CDH8: variants seen among roughly 807,000 people sequenced by gnomAD.
CDH8 encodes cadherin 8, also known as cadherin-8.
CDH8 carries 17 observed loss-of-function variants against 68.1 expected under a neutral mutation model. The ratio of observed to expected loss-of-function variants is 0.25; its 90% CI spans 0.17 to 0.37. The LOEUF (loss-of-function observed/expected upper bound fraction) is 0.37, where lower values mean the gene tolerates loss of function less well. Ranked by LOEUF, CDH8 falls within the 10% of genes least tolerant of loss-of-function variation. The pLI, the probability that CDH8 is intolerant of heterozygous loss-of-function variation, is 1.00. For synonymous variants in CDH8, 372 were observed against 365.1 expected, an observed-to-expected ratio of 1.02 and a Z score of -0.21; for missense variants, 763 against 999.3, an observed-to-expected ratio of 0.76 and a Z score of 3.19.
intron 10 of CDH8, among the ~76,000 whole-genome samples, chr16:61,663,802 A>C (rs1322365811): frequency 6.6e-6 from 1 of 151,216 alleles, no homozygotes; most frequent in East Asian, 1.9e-4. Context: ...AAATTGAGTA[A>C]ACACATTATT....
intron 8 of CDH8, among the ~76,000 whole-genome samples, chr16:61,755,359 T>C (rs185711709): frequency 9.6e-4 from 146 of 152,302 alleles, no homozygotes; most frequent in Middle Eastern, 3.4e-3. Context: ...GTATATATAG[T>C]ATACATTTAA....
chr16:61,834,341 T>G (rs1962522762), intron 4 of CDH8, among the ~76,000 whole-genome samples: 1 of 151,860 alleles, frequency 6.6e-6, no homozygotes, highest in Non-Finnish European at 1.5e-5. Flanking sequence ...CAAGGGCTAC[T>G]TCATTCCATC....
At chr16:61,948,218 A>G (rs945503247) in intron 2 of CDH8, among the ~76,000 whole-genome samples, 6 of 152,166 alleles carry the variant, frequency 3.9e-5, no homozygotes, top group African/African-American at 1.4e-4. Flanking sequence ...TTAACTTAAA[A>G]CTGCCTATAA....
At chr16:61,798,366 T>A (rs1361743425) in intron 7 of CDH8, among the ~76,000 whole-genome samples, 1 of 152,166 alleles carries the variant, frequency 6.6e-6, no homozygotes. Context: ...TCAGGAGTGA[T>A]ATGATCTAAA....
rs1212032552 is a variant in CDH8 at position 62,001,334 on chromosome 16, G to A, written c.252+19818C>T. 2.6e-5 allele frequency among the ~76,000 whole-genome samples: 4 copies of A among 152,172 alleles called. No individual in the cohort carries two copies. In the South Asian group the frequency reaches 8.3e-4, roughly 32 times the overall value. On this transcript the variant is annotated intron_variant, in intron 2 of 11. Coordinates refer to ENST00000577390, the MANE Select transcript of CDH8 (RefSeq NM_001796.5). ...TTACTTAGGATTTCTGGGTTGGGGT[G>A]AAGAGATGGATATTAGGAGTCCTAA...
intron 7 of CDH8, among the ~76,000 whole-genome samples, chr16:61,803,426 A>T: frequency 7.3e-6 from 1 of 137,450 alleles, no homozygotes; most frequent in Non-Finnish European, 1.6e-5. Context: ...CAAAATCACC[A>T]GCTAACATCA....
At chr16:62,018,452 TAA>T (rs1002338590) in intron 2 of CDH8, among the ~76,000 whole-genome samples, 2 of 152,140 alleles carry the variant, frequency 1.3e-5, no homozygotes, top group Non-Finnish European at 2.9e-5. Flanking sequence ...TGAAGTGGTT[TAA>T]AGAGTCGGAT....
chr16:61,973,012 A>G (rs1965370498), intron 2 of CDH8, among the ~76,000 whole-genome samples: 1 of 152,222 alleles, frequency 6.6e-6, no homozygotes, highest in South Asian at 2.1e-4. Flanking sequence ...TGAAAATACA[A>G]AAGTAATTCT....
chr16:61,765,843 C>T (rs1960576446), intron 8 of CDH8, among the ~76,000 whole-genome samples: 1 of 151,846 alleles, frequency 6.6e-6, no homozygotes, highest in Non-Finnish European at 1.5e-5. Flanking sequence ...AGATACCTGC[C>T]ATGACTCCAT....
intron 3 of CDH8, among the ~76,000 whole-genome samples, chr16:61,900,971 TAATAA>T (rs1597052390): frequency 6.6e-6 from 1 of 152,204 alleles, no homozygotes; most frequent in Non-Finnish European, 1.5e-5. Context: ...AAAGATATTT[TAATAA>T]AATTGCTCTT....
At chr16:61,719,948 T>C (rs1959204335) in intron 9 of CDH8, among the ~76,000 whole-genome samples, 1 of 150,544 alleles carries the variant, frequency 6.6e-6, no homozygotes, top group Non-Finnish European at 1.5e-5. Flanking sequence ...AAACAGAAGA[T>C]CATGTTTAAT....
At chr16:61,776,930 C>A (rs1388210333) in intron 8 of CDH8, among the ~76,000 whole-genome samples, 1 of 152,206 alleles carries the variant, frequency 6.6e-6, no homozygotes, top group East Asian at 1.9e-4. Context: ...TACAAACCTG[C>A]ACATGCACCC....
intron 5 of CDH8, among the ~76,000 whole-genome samples, chr16:61,823,023 C>T (rs1323833248): frequency 6.6e-6 from 1 of 151,788 alleles, no homozygotes; most frequent in African/African-American, 2.4e-5. Context: ...TGGCATCTTG[C>T]AGTATTCACT....
chr16:61,974,506 A>T (rs1374304294), intron 2 of CDH8, among the ~76,000 whole-genome samples: 1 of 152,216 alleles, frequency 6.6e-6, no homozygotes, highest in East Asian at 1.9e-4. Flanking sequence ...AATGTTTTGA[A>T]ACACTTGGAA....
chr16:61,772,022 A>G (rs1039745350), intron 8 of CDH8, among the ~76,000 whole-genome samples: 7 of 152,082 alleles, frequency 4.6e-5, no homozygotes, highest in Admixed American at 2.6e-4. Context: ...AGTGGGCAGC[A>G]GGAGCACTCA....
chr16:61,655,337 T>C, intron 11 of CDH8, 133 bp downstream of exon 11: 2 of 835,156 alleles, frequency 2.4e-6, no homozygotes, highest in Non-Finnish European at 3.7e-6. Context: ...TCTCAAAATG[T>C]GGAGAAGGAA....
chr16:61,818,492 A>C (rs1344024822), intron 6 of CDH8, among the ~76,000 whole-genome samples: 1 of 152,140 alleles, frequency 6.6e-6, no homozygotes, highest in East Asian at 1.9e-4. Context: ...CCCACAAACC[A>C]CTTAAAAGCA....
intron 4 of CDH8, among the ~76,000 whole-genome samples, chr16:61,853,313 G>A (rs1443492977): frequency 6.6e-6 from 1 of 151,964 alleles, no homozygotes; most frequent in African/African-American, 2.4e-5. Flanking sequence ...GCATTCTTGC[G>A]AGGAAAAAAC....
intron 4 of CDH8, among the ~76,000 whole-genome samples, chr16:61,855,746 A>G (rs1238484447): frequency 6.6e-6 from 1 of 152,116 alleles, no homozygotes; most frequent in Non-Finnish European, 1.5e-5. Context: ...CAAATTTGAC[A>G]TTAGTATCGA....
Sources: gnomAD v4.1 joint callset for allele counts (sites outside exome capture counted in the v4.1 genomes callset) on GRCh38, gnomAD v4.1.1 for gene constraint, MANE v1.5 for transcripts, NCBI Gene and HGNC (gene_info 2026-07-23, HGNC 2026-07-21) for gene names.